RAP1GAP2: variants seen among roughly 807,000 people sequenced by gnomAD.
The protein encoded by RAP1GAP2 is RAP1 GTPase activating protein 2.
In RAP1GAP2, 27 loss-of-function variants were observed where a neutral mutation model predicts 95.0. That is an observed-to-expected ratio of 0.28 (90% CI 0.21 to 0.39). RAP1GAP2 has a LOEUF of 0.39. Ranked by LOEUF, RAP1GAP2 falls within the 10% of genes least tolerant of loss-of-function variation. The pLI is 1.00. For missense variants in RAP1GAP2, 771 were observed against 970.0 expected (o/e 0.79, Z 2.72); for synonymous variants, 373 against 380.9 (o/e 0.98, Z 0.24).
chr17:3,023,026 G>A (rs931736204), intron 19 of RAP1GAP2, among the ~76,000 whole-genome samples: 1 of 152,158 alleles, frequency 6.6e-6, no homozygotes, highest in Admixed American at 6.6e-5. Flanking sequence ...TGATCATGTG[G>A]TTTTTGTTCT....
intron 18 of RAP1GAP2, 145 bp from the exon 19 acceptor site, chr17:3,020,332 C>T (rs1455694137): frequency 3.0e-6 from 2 of 667,504 alleles, no homozygotes; most frequent in South Asian, 1.8e-5. Flanking sequence ...GCTTCAGTTA[C>T]ATAGATCTCA....
intron 2 of RAP1GAP2, among the ~76,000 whole-genome samples, chr17:2,826,147 A>ATTTTTTTT (rs71150901): frequency 9.2e-5 from 10 of 108,864 alleles, no homozygotes; most frequent in African/African-American, 1.1e-4. Context: ...CGCCCAGCAA[A>ATTTTTTTT]TTTTTTTTTT....
intron 14 of RAP1GAP2, among the ~76,000 whole-genome samples, chr17:3,001,330 GACA>G (rs2046146595): frequency 1.0e-5 from 1 of 97,894 alleles, no homozygotes; most frequent in Non-Finnish European, 2.1e-5. Flanking sequence ...CCGGAGAAGG[GACA>G]GAAGAAGCAG....
intron 3 of RAP1GAP2, among the ~76,000 whole-genome samples, chr17:2,912,632 A>C (rs1197684429): frequency 6.6e-6 from 1 of 151,954 alleles, no homozygotes; most frequent in African/African-American, 2.4e-5. Flanking sequence ...CTCCATCCCT[A>C]CTGCTGGAGG....
intron 17 of RAP1GAP2, among the ~76,000 whole-genome samples, chr17:3,009,804 A>G (rs2046455171): frequency 6.6e-6 from 1 of 152,134 alleles, no homozygotes; most frequent in South Asian, 2.1e-4. Context: ...TCAAGACGGA[A>G]GAGGGATGCA....
At chr17:2,843,618 G>C (rs1264687191) in intron 2 of RAP1GAP2, among the ~76,000 whole-genome samples, 1 of 150,588 alleles carries the variant, frequency 6.6e-6, no homozygotes, top group Non-Finnish European at 1.5e-5. Flanking sequence ...CAGTTACATT[G>C]CATCATTAAT....
In RAP1GAP2 at chr17:2,878,299, T is replaced by C. The variant is rs192024890; in HGVS notation, c.81-26985T>C. Among the ~76,000 whole-genome samples the C allele has an allele frequency of 3.3e-4, 50 of 152,062 alleles. No homozygotes were observed. The East Asian group carries it at 7.0e-3, about 21-fold the overall frequency. The stretch of plus-strand genomic sequence containing the variant: ...AACGATGAGGTCATTTAGGGACACA[T>C]TGGGTTCGAGGTGCCTGTGAGACCC... On this transcript the variant is annotated intron_variant, in intron 2 of 24. Transcript: ENST00000254695.
At chr17:2,994,677 C>T (rs145909371) in intron 12 of RAP1GAP2, among the ~76,000 whole-genome samples, 8 of 152,342 alleles carry the variant, frequency 5.3e-5, no homozygotes, top group African/African-American at 1.4e-4. Context: ...GAAAGGCCGG[C>T]GCCCCACCTT....
rs902987391 is a variant in RAP1GAP2, at chr17:2,755,759, G to A, written c.42G>A (p.Leu14=). 2.0e-5 allele frequency: 7 copies of A among 355,948 alleles called. No homozygotes were observed. The Admixed American group carries it at 2.8e-4, about 14-fold the overall frequency. The allele number at this position is 355,948 out of a possible 1,614,324, so 22.0% of individuals were successfully genotyped here. A position where few individuals can be genotyped will look rare whatever the true frequency, so the allele number is the denominator to read the frequency against. ...CGCCGGGGGAGAAGCGCTGGCAGCT[G>A]GTGCGCTGGTGAGTGGGCGCCGGGC... Residue 14 remains leucine, a synonymous_variant, in exon 1 of 26, where the codon CTG becomes CTA. Transcript: ENST00000637138.
At position 3,029,484 on chromosome 17, in the gene RAP1GAP2, A is replaced by C. The variant is rs1158288895; in HGVS notation, c.2108-1438A>C. Among the ~76,000 whole-genome samples, 2 of 152,092 alleles carry C rather than the reference A, an allele frequency of 1.3e-5. No individual in the cohort carries two copies. Among genetic ancestry groups the C allele is most frequent in the Non-Finnish European group, 2.9e-5 (2 of 68,020 alleles). On this transcript the variant is annotated intron_variant, in intron 22 of 24. Transcript: ENST00000254695. This position sits in a 1 kb window ranked among gnomAD's most constrained non-coding sequence, Gnocchi z 4.4. ...GAACCGGTTTCATGCTGTTTGGCTG[A>C]GTCTGGGGAGAGGCAGGGTGGAGTG...
At position 2,991,045 on chromosome 17, in the gene RAP1GAP2, A is replaced by G. The variant is rs182127453; in HGVS notation, c.814-252A>G. On this transcript the variant is annotated intron_variant, in intron 11 of 24. Coordinates refer to ENST00000254695, the MANE Select transcript of RAP1GAP2 (RefSeq NM_015085.5). ...TTTTTAGTAGAGACAAGGTTTCACC[A>G]TGTTGGCCAGGCTGGTCTCGAACTC... 2.0e-5 allele frequency among the ~76,000 whole-genome samples: 3 copies of G among 151,936 alleles called. No individual in the cohort carries two copies. The East Asian group carries it at 5.8e-4, about 30-fold the overall frequency.
chr17:2,899,307 C>T (rs890050753), intron 2 of RAP1GAP2, among the ~76,000 whole-genome samples: 4 of 151,780 alleles, frequency 2.6e-5, no homozygotes, highest in Non-Finnish European at 5.9e-5. Context: ...CGGGAGCTTC[C>T]GCTATTCTCC....
At chr17:2,804,392 G>A (rs987806324) in intron 2 of RAP1GAP2, among the ~76,000 whole-genome samples, 2 of 152,230 alleles carry the variant, frequency 1.3e-5, no homozygotes, top group Admixed American at 6.5e-5. Context: ...TAAGAAAGTG[G>A]AGACTGAGAG....
intron 1 of RAP1GAP2, among the ~76,000 whole-genome samples, chr17:2,798,176 T>C (rs1197284253): frequency 2.0e-5 from 3 of 152,110 alleles, no homozygotes; most frequent in African/African-American, 2.4e-5. Context: ...CTTAATGAAA[T>C]GCACATTCAG....
intron 2 of RAP1GAP2, among the ~76,000 whole-genome samples, chr17:2,808,855 A>G (rs2069633574): frequency 1.3e-5 from 2 of 152,006 alleles, no homozygotes; most frequent in Admixed American, 1.3e-4. Flanking sequence ...TCGCCCATGC[A>G]GGTGGACGTG....
intron 2 of RAP1GAP2, among the ~76,000 whole-genome samples, chr17:2,818,128 G>A (rs2070112894): frequency 6.6e-6 from 1 of 151,888 alleles, no homozygotes; most frequent in African/African-American, 2.4e-5. Flanking sequence ...GAGCCACTGC[G>A]CCCGGCCTCT....
intron 3 of RAP1GAP2, among the ~76,000 whole-genome samples, chr17:2,948,737 C>G (rs141063258): frequency 0.012 from 1,504 of 127,630 alleles, 10 homozygotes; most frequent in South Asian, 0.035. Flanking sequence ...AGGGAAGGAA[C>G]AGGTGGCTGC....
rs1431115588 is a variant in RAP1GAP2 at position 2,797,194 on chromosome 17, G to A, written c.44+623G>A. 6.6e-6 allele frequency among the ~76,000 whole-genome samples: 1 copy of A among 152,140 alleles called. No individual in the cohort carries two copies. Among genetic ancestry groups the A allele is most frequent in the Non-Finnish European group, 1.5e-5 (1 of 68,022 alleles). On this transcript the variant is annotated intron_variant, in intron 1 of 24. Coordinates refer to ENST00000254695, the MANE Select transcript of RAP1GAP2 (RefSeq NM_015085.5). The surrounding 1 kb of genome is among the most constrained non-coding windows in gnomAD (Gnocchi z 5.6). ...GGTTGTGAGAGAAGGTCTCCCACCT[G>A]CACCCCAGGCAGCCCACCCTAGCTC...
intron 2 of RAP1GAP2, among the ~76,000 whole-genome samples, chr17:2,849,742 G>A (rs116614531): frequency 1.5e-3 from 229 of 152,270 alleles, no homozygotes; most frequent in African/African-American, 5.3e-3. Context: ...GAGCTGGGAC[G>A]CCGTGGGGCA....
Sources: gnomAD v4.1 joint callset for allele counts (sites outside exome capture counted in the v4.1 genomes callset) on GRCh38, gnomAD v4.1.1 for gene constraint, Gnocchi (gnomAD v3.1) non-coding constraint, MANE v1.5 for transcripts, NCBI Gene and HGNC (gene_info 2026-07-23, HGNC 2026-07-21) for gene names.